Variants in SSBP3 observed in about 807,000 individuals in gnomAD.
The protein encoded by SSBP3 is single-stranded DNA-binding protein 3.
A neutral mutation model predicts 69.6 loss-of-function variants in SSBP3; 5 were observed. The ratio of observed to expected loss-of-function variants is 0.07; its 90% confidence interval spans 0.04 to 0.15. The LOEUF (loss-of-function observed/expected upper bound fraction) is 0.15. Among genes scored for constraint, SSBP3 ranks in the 10% least tolerant of loss-of-function variants. The probability of loss-of-function intolerance (pLI) is 1.00; values close to 1 mark genes in which losing one functional copy is unlikely to be tolerated. For missense variants in SSBP3, 312 were observed against 534.0 expected (o/e 0.58, Z 4.10); for synonymous variants, 196 against 193.4 (o/e 1.01, Z -0.11).
intron 4 of SSBP3, among the ~76,000 whole-genome samples, chr1:54,333,162 T>C (rs1485052503): frequency 6.6e-6 from 1 of 152,164 alleles, no homozygotes; most frequent in East Asian, 1.9e-4. Flanking sequence ...AACAAAGCCC[T>C]GGGAGCCAGC....
At chr1:54,259,767 C>A (rs1291805215) in intron 5 of SSBP3, among the ~76,000 whole-genome samples, 1 of 152,212 alleles carries the variant, frequency 6.6e-6, no homozygotes, top group East Asian at 1.9e-4. Flanking sequence ...GGCGCCGCCG[C>A]TGTGAGGCCT....
chr1:54,228,907 C>A, intron 14 of SSBP3, 81 bp from the exon 15 acceptor site: 1 of 1,440,614 alleles, frequency 6.9e-7, no homozygotes, highest in Non-Finnish European at 9.6e-7. Context: ...TGCAGCCACG[C>A]TTGAGTCCTG....
At chr1:54,293,075 T>C (rs987591004) in intron 4 of SSBP3, among the ~76,000 whole-genome samples, 12 of 151,858 alleles carry the variant, frequency 7.9e-5, no homozygotes, top group Non-Finnish European at 1.8e-4. Flanking sequence ...AGCCCCAGCC[T>C]GCGACCCCAG....
chr1:54,348,718 G>A (rs1044753132), intron 4 of SSBP3, among the ~76,000 whole-genome samples: 1 of 152,206 alleles, frequency 6.6e-6, no homozygotes, highest in Non-Finnish European at 1.5e-5. Flanking sequence ...ATGGGGCAGC[G>A]GGGCAGATGC....
intron 4 of SSBP3, among the ~76,000 whole-genome samples, chr1:54,327,735 C>T (rs933749201): frequency 4.6e-5 from 7 of 152,184 alleles, no homozygotes; most frequent in African/African-American, 1.4e-4. Flanking sequence ...TTTTTAAGTA[C>T]GAGTTATCCT....
chr1:54,251,644 C>A, exon 9 of SSBP3: 1 of 1,552,066 alleles, frequency 6.4e-7, no homozygotes, highest in Non-Finnish European at 8.7e-7. Context: ...GGGCCCCATG[C>A]CTCGGGGAGG....
At chr1:54,340,579 G>A (rs1646590081) in intron 4 of SSBP3, among the ~76,000 whole-genome samples, 2 of 152,210 alleles carry the variant, frequency 1.3e-5, no homozygotes, top group South Asian at 2.1e-4. Context: ...TTTTAGCCAC[G>A]CATGATGGAA....
intron 5 of SSBP3, among the ~76,000 whole-genome samples, chr1:54,272,476 T>C (rs1367965426): frequency 6.8e-6 from 1 of 146,408 alleles, no homozygotes; most frequent in Non-Finnish European, 1.5e-5. Flanking sequence ...CTAAGGAATT[T>C]GACCTTTTTT....
At chr1:54,317,520 G>A (rs1286741365) in intron 4 of SSBP3, among the ~76,000 whole-genome samples, 1 of 151,398 alleles carries the variant, frequency 6.6e-6, no homozygotes, top group South Asian at 2.1e-4. Flanking sequence ...CTGGGTGATA[G>A]AGCGAGACTC....
chr1:54,236,185 G>A (rs551579447), intron 14 of SSBP3, among the ~76,000 whole-genome samples: 24 of 151,268 alleles, frequency 1.6e-4, no homozygotes, highest in African/African-American at 4.6e-4. Context: ...GTGTGATCTC[G>A]GCTCACTGCA....
At chr1:54,365,953 G>C (rs1020413820) in intron 4 of SSBP3, among the ~76,000 whole-genome samples, 2 of 152,148 alleles carry the variant, frequency 1.3e-5, no homozygotes, top group African/African-American at 4.8e-5. Context: ...TTACTCATCT[G>C]GGAAACTAAT....
chr1:54,373,396 C>T (rs2073108), intron 4 of SSBP3, among the ~76,000 whole-genome samples: 4 of 151,966 alleles, frequency 2.6e-5, no homozygotes, highest in African/African-American at 9.7e-5. Flanking sequence ...AAGGGTTACA[C>T]GAATCCAGCC....
At chr1:54,285,044 T>C (rs1645463367) in intron 4 of SSBP3, among the ~76,000 whole-genome samples, 1 of 152,188 alleles carries the variant, frequency 6.6e-6, no homozygotes, top group Non-Finnish European at 1.5e-5. Flanking sequence ...ATGTTAGCAT[T>C]GACTAAGGGG....
At chr1:54,405,877 C>T (rs1403123496) in intron 1 of SSBP3, 76 bp downstream of exon 1, 20 of 165,968 alleles carry the variant, frequency 1.2e-4, no homozygotes, top group African/African-American at 4.8e-4. Flanking sequence ...CCCGCCCGCC[C>T]GCCCACCTGC....
intron 4 of SSBP3, among the ~76,000 whole-genome samples, chr1:54,294,162 AGAAAG>A (rs766143904): frequency 0.013 from 982 of 75,324 alleles, 85 homozygotes; most frequent in East Asian, 0.023. Context: ...AAAAAAAAAA[AGAAAG>A]AAAGAAAGAA....
At chr1:54,307,626 A>T (rs1246498661) in intron 4 of SSBP3, among the ~76,000 whole-genome samples, 1 of 152,228 alleles carries the variant, frequency 6.6e-6, no homozygotes, top group Non-Finnish European at 1.5e-5. Flanking sequence ...TCACAGGATG[A>T]GACAGGAGGT....
At chr1:54,329,697 G>C (rs1190899112) in intron 4 of SSBP3, among the ~76,000 whole-genome samples, 1 of 152,220 alleles carries the variant, frequency 6.6e-6, no homozygotes, top group Non-Finnish European at 1.5e-5. Context: ...ACTGTTCCAA[G>C]TTACACAATC....
chr1:54,250,067 A>C (rs1275907202), intron 9 of SSBP3, among the ~76,000 whole-genome samples: 2 of 152,116 alleles, frequency 1.3e-5, no homozygotes, highest in African/African-American at 4.8e-5. Context: ...GACTCAGGAG[A>C]GGGGAAGCTC....
At chr1:54,384,024 T>A (rs1647884245) in intron 4 of SSBP3, among the ~76,000 whole-genome samples, 1 of 146,360 alleles carries the variant, frequency 6.8e-6, no homozygotes, top group Admixed American at 7.2e-5. Context: ...GAGAATGGCA[T>A]GAACCCAGGA....
Sources: gnomAD v4.1 joint callset for allele counts (sites outside exome capture counted in the v4.1 genomes callset) on GRCh38, gnomAD v4.1.1 for gene constraint, MANE v1.5 for transcripts, NCBI Gene and HGNC (gene_info 2026-07-23, HGNC 2026-07-21) for gene names.